Variants in TRPC4 observed in about 807,000 individuals in gnomAD.
TRPC4 encodes the protein short transient receptor potential channel 4.
In TRPC4, 49 loss-of-function variants were observed where a neutral mutation model predicts 99.4. That is an observed-to-expected ratio of 0.49 (90% confidence interval 0.39 to 0.63). TRPC4 has a LOEUF of 0.63. Ranked by LOEUF, TRPC4 falls within the 20% of genes least tolerant of loss-of-function variation. TRPC4 has a pLI of 0.00. For missense variants in TRPC4, 898 were observed against 1,152.9 expected, an observed-to-expected ratio of 0.78 and a Z score of 3.20; for synonymous variants, 454 against 425.9, an observed-to-expected ratio of 1.07 and a Z score of -0.81.
At chr13:37,666,475 ATTC>A (rs1952650644) in intron 5 of TRPC4, among the ~76,000 whole-genome samples, 1 of 152,154 alleles carries the variant, frequency 6.6e-6, no homozygotes, top group Non-Finnish European at 1.5e-5. Context: ...TCTTGATTTT[ATTC>A]TTCTTAAATT....
At chr13:37,764,103 T>C (rs1213297269) in intron 2 of TRPC4, among the ~76,000 whole-genome samples, 2 of 151,550 alleles carry the variant, frequency 1.3e-5, no homozygotes, top group African/African-American at 4.8e-5. Context: ...GGTGGAGACA[T>C]TAAAAAGAAG....
Position 37,635,292 on chromosome 13 carries a change from C to A in TRPC4, c.*1611G>T, listed in dbSNP as rs1399155410. Among the ~76,000 whole-genome samples, 1 of 152,084 alleles carries A rather than the reference C, an allele frequency of 6.6e-6. No homozygotes were observed. Among genetic ancestry groups the A allele is most frequent in the Non-Finnish European group, 1.5e-5 (1 of 68,000 alleles). ...GTGAAGGGAATGGCTCTGATGGACACATCACAGCTCCATCATGAGCTGTAT... is the reference window on the plus strand; with the variant it reads ...GTGAAGGGAATGGCTCTGATGGACAAATCACAGCTCCATCATGAGCTGTAT... On this transcript the variant is annotated 3_prime_UTR_variant, in exon 11 of 11. Transcript: ENST00000379705.
intron 2 of TRPC4, among the ~76,000 whole-genome samples, chr13:37,773,931 A>G (rs919100278): frequency 6.6e-6 from 1 of 151,830 alleles, no homozygotes; most frequent in African/African-American, 2.4e-5. Flanking sequence ...TGGGAAATAC[A>G]TAACATATAA....
chr13:37,770,472 A>T (rs75480701), intron 2 of TRPC4, among the ~76,000 whole-genome samples: 10,323 of 151,668 alleles, frequency 0.068, 439 homozygotes, highest in Non-Finnish European at 0.091. Flanking sequence ...CAGTAAAGAG[A>T]AAATTCATCC....
chr13:37,693,566 C>A (rs1162420785), intron 3 of TRPC4, among the ~76,000 whole-genome samples: 1 of 152,158 alleles, frequency 6.6e-6, no homozygotes, highest in Non-Finnish European at 1.5e-5. Context: ...TATGGCTGTC[C>A]TTGAAGCAAG....
At chr13:37,759,510 A>C (rs987891146) in intron 2 of TRPC4, among the ~76,000 whole-genome samples, 6 of 151,966 alleles carry the variant, frequency 3.9e-5, no homozygotes, top group Non-Finnish European at 5.9e-5. Flanking sequence ...AGACATACTT[A>C]ACATCACACA....
chr13:37,777,669 C>T (rs1333373), intron 2 of TRPC4, among the ~76,000 whole-genome samples: 68,718 of 151,750 alleles, frequency 0.45, 15,852 homozygotes, highest in Middle Eastern at 0.5. Flanking sequence ...GTTATTTGTA[C>T]ATTTGTTTGT....
chr13:37,856,733 AAATC>A (rs1289963355), intron 1 of TRPC4, among the ~76,000 whole-genome samples: 1 of 151,820 alleles, frequency 6.6e-6, no homozygotes, highest in Non-Finnish European at 1.5e-5. Context: ...CAACATACAC[AAATC>A]AATCAGTGTG....
At chr13:37,760,471 A>G (rs1314327165) in intron 2 of TRPC4, among the ~76,000 whole-genome samples, 2 of 151,972 alleles carry the variant, frequency 1.3e-5, no homozygotes, top group Non-Finnish European at 2.9e-5. Flanking sequence ...TAACTTTCCT[A>G]CAAGTCAAGA....
At chr13:37,751,010 G>C (rs1008920525) in intron 2 of TRPC4, among the ~76,000 whole-genome samples, 23 of 152,042 alleles carry the variant, frequency 1.5e-4, no homozygotes, top group Admixed American at 5.2e-4. Flanking sequence ...TCTTCCTATA[G>C]AAAATGGAGA....
intron 7 of TRPC4, among the ~76,000 whole-genome samples, chr13:37,652,960 C>T (rs1327899744): frequency 6.6e-6 from 1 of 151,978 alleles, no homozygotes; most frequent in Non-Finnish European, 1.5e-5. Flanking sequence ...TGACTAGATC[C>T]ACCTTCCACT....
intron 1 of TRPC4, among the ~76,000 whole-genome samples, chr13:37,829,621 G>A (rs9576381): frequency 0.29 from 43,584 of 152,040 alleles, 6,448 homozygotes; most frequent in East Asian, 0.43. Context: ...ATTACCACAT[G>A]ACCCAGCAAT....
At chr13:37,672,150 T>G (rs898911859) in intron 5 of TRPC4, among the ~76,000 whole-genome samples, 7 of 152,198 alleles carry the variant, frequency 4.6e-5, no homozygotes, top group Non-Finnish European at 8.8e-5. Flanking sequence ...CTAAAAGTCT[T>G]GAGGCAAAAC....
At chr13:37,672,561 T>G (rs1001427469) in intron 5 of TRPC4, among the ~76,000 whole-genome samples, 12 of 152,196 alleles carry the variant, frequency 7.9e-5, no homozygotes, top group Non-Finnish European at 1.8e-4. Context: ...TGAGAAGAAC[T>G]GGTATTGTGA....
rs549804533 is a variant in TRPC4 at position 37,649,302 on chromosome 13, A to G, written c.2079+1963T>C. Among the ~76,000 whole-genome samples, 8 of 152,242 alleles carry G rather than the reference A, an allele frequency of 5.3e-5. No individual in the cohort carries two copies. In the South Asian group the frequency reaches 1.7e-3, roughly 32 times the overall value. On this transcript the variant is annotated intron_variant, in intron 8 of 10. Coordinates refer to ENST00000379705, the MANE Select transcript of TRPC4 (RefSeq NM_016179.4). ...TATAATGTTAAATATACTACATAAC[A>G]TATCTGTTTTTATTTCTGTATCTCT... is the stretch of plus-strand genomic sequence containing the variant.
At chr13:37,647,785 ATTGTCT>A (rs1951895782) in intron 8 of TRPC4, among the ~76,000 whole-genome samples, 1 of 152,282 alleles carries the variant, frequency 6.6e-6, no homozygotes, top group South Asian at 2.1e-4. Context: ...TGTGTATCTC[ATTGTCT>A]TTGTATGTCC....
intron 1 of TRPC4, among the ~76,000 whole-genome samples, chr13:37,796,154 A>C (rs891831562): frequency 8.5e-5 from 13 of 152,152 alleles, no homozygotes; most frequent in Admixed American, 7.2e-4. Context: ...TTTATTGCTT[A>C]AACAACCAGA....
intron 1 of TRPC4, among the ~76,000 whole-genome samples, chr13:37,845,607 GC>G (rs1958869655): frequency 6.6e-6 from 1 of 150,620 alleles, no homozygotes; most frequent in South Asian, 2.1e-4. Context: ...GATCAGAGGA[GC>G]AAAAATAAAT....
At chr13:37,843,681 G>A (rs200429564) in intron 1 of TRPC4, among the ~76,000 whole-genome samples, 1 of 134,046 alleles carries the variant, frequency 7.5e-6, no homozygotes, top group Non-Finnish European at 1.6e-5. Context: ...GATGTTTGGT[G>A]ACACACACAC....
Sources: gnomAD v4.1 joint callset for allele counts (sites outside exome capture counted in the v4.1 genomes callset) on GRCh38, gnomAD v4.1.1 for gene constraint, MANE v1.5 for transcripts, NCBI Gene and HGNC (gene_info 2026-07-23, HGNC 2026-07-21) for gene names.